SLC3A1: variants seen among roughly 807,000 people sequenced by gnomAD.
SLC3A1 encodes amino acid transporter heavy chain SLC3A1.
In SLC3A1, 78 loss-of-function variants were observed where a neutral mutation model predicts 60.3. The observed-to-expected ratio is 1.29, with a 90% CI of 1.08 to 1.56. The LOEUF (loss-of-function observed/expected upper bound fraction) is 1.56, where lower values mean the gene tolerates loss of function less well. Ranked by LOEUF, SLC3A1 falls within the 40% of genes most tolerant of loss-of-function variation. The pLI is 0.00. For synonymous variants in SLC3A1, 392 were observed against 307.9 expected, an observed-to-expected ratio of 1.27 and a Z score of -2.86; for missense variants, 1,172 against 858.9, an observed-to-expected ratio of 1.36 and a Z score of -4.56.
rs1671607822 is a variant in SLC3A1, at chr2:44,286,135, C to G, written c.869C>G (p.Pro290Arg). The change falls in exon 4 of 10, where the codon CCT becomes CGT. Residue 290 changes from proline to arginine, a missense_variant. Coordinates refer to ENST00000260649, the MANE Select transcript of SLC3A1 (RefSeq NM_000341.4). ...CAACCTGATTTAAATTTCCGCAATC[C>G]TGATGTTCAAGAAGAAATAAAAGTG... ...KEQPDLNFRNPDVQEEIKEIL... is the reference protein window; with the variant it reads ...KEQPDLNFRNRDVQEEIKEIL... 1.9e-6 allele frequency: 3 copies of G among 1,614,004 alleles called. No homozygotes were observed. The highest frequency in any genetic ancestry group is 2.5e-6 in the Non-Finnish European group (3 of 1,179,922).
At chr2:44,285,462 C>G (rs1671591429) in intron 3 of SLC3A1, 1 of 341,456 alleles carries the variant, frequency 2.9e-6, no homozygotes, top group Non-Finnish European at 5.8e-6. Flanking sequence ...ACCATGGGGC[C>G]ATAAATGTGA....
intron 3 of SLC3A1, among the ~76,000 whole-genome samples, chr2:44,282,178 G>A (rs1406730173): frequency 6.6e-6 from 1 of 151,892 alleles, no homozygotes; most frequent in Non-Finnish European, 1.5e-5. Context: ...GGCCCCCTTT[G>A]CCTTTCTGAC....
At chr2:44,283,866 GTCT>G (rs1671552465) in intron 3 of SLC3A1, among the ~76,000 whole-genome samples, 2 of 152,038 alleles carry the variant, frequency 1.3e-5, no homozygotes, top group African/African-American at 4.8e-5. Context: ...GCTAGGTATA[GTCT>G]TCTTAACTAA....
intron 7 of SLC3A1, among the ~76,000 whole-genome samples, chr2:44,311,181 G>A (rs546848406): frequency 1.3e-5 from 2 of 152,216 alleles, no homozygotes; most frequent in South Asian, 2.1e-4. Flanking sequence ...GTTCAAATTT[G>A]TCAAGTCCCT....
At position 44,320,824 on chromosome 2, in the gene SLC3A1, A is replaced by T; in HGVS notation, c.*185A>T. 1.6e-6 allele frequency: 1 copy of T among 624,178 alleles called. No individual in the cohort carries two copies. The allele number at this position is 624,178 out of a possible 1,614,324, so 38.7% of individuals were successfully genotyped here. A position where few individuals can be genotyped will look rare whatever the true frequency, so the allele number is the denominator to read the frequency against. On this transcript the variant is annotated 3_prime_UTR_variant, in exon 10 of 10. Coordinates refer to ENST00000260649, the MANE Select transcript of SLC3A1 (RefSeq NM_000341.4). ...AAAAAAATAAAATGTTTAAAAGTAA[A>T]TTATGGCTTATAGGAGCTTATAACT...
chr2:44,294,722 GA>G (rs1263677126), intron 4 of SLC3A1, among the ~76,000 whole-genome samples: 1 of 152,066 alleles, frequency 6.6e-6, no homozygotes, highest in Non-Finnish European at 1.5e-5. Flanking sequence ...CCTGCTTCTG[GA>G]GGAGTTAGCA....
At position 44,312,687 on chromosome 2, in the gene SLC3A1, T is replaced by G; in HGVS notation, c.1434T>G (p.Thr478=). The change falls in exon 8 of 10, where the codon ACT becomes ACG. Residue 478 remains threonine, a synonymous_variant. Transcript: ENST00000260649. ...LLFTLPGTPI[T]YYGEEIGMGN... is the part of the protein sequence containing the mutation. ...TCACACTCCCTGGAACTCCTATAAC[T>G]TACTATGGAGAAGAAATTGGAATGG... The G allele has an allele frequency of 6.2e-7, 1 of 1,613,330 alleles. No homozygotes were observed. Among genetic ancestry groups the G allele is most frequent in the Non-Finnish European group, 8.5e-7 (1 of 1,179,314 alleles).
intron 6 of SLC3A1, among the ~76,000 whole-genome samples, chr2:44,303,464 T>A (rs924697999): frequency 6.6e-6 from 1 of 151,894 alleles, no homozygotes; most frequent in Non-Finnish European, 1.5e-5. Flanking sequence ...CTCAAACTCC[T>A]GACCTCAAGT....
chr2:44,318,058 C>T, intron 9 of SLC3A1: 1 of 426,710 alleles, frequency 2.3e-6, no homozygotes, highest in South Asian at 1.7e-5. Flanking sequence ...GAAATATTTG[C>T]ACATGTGCAC....
intron 4 of SLC3A1, among the ~76,000 whole-genome samples, chr2:44,291,238 A>G (rs1472997958): frequency 6.6e-6 from 1 of 152,236 alleles, no homozygotes; most frequent in Non-Finnish European, 1.5e-5. Flanking sequence ...AAATGTGAGT[A>G]TAAACCAGCT....
chr2:44,303,734 CCCCA>C, intron 6 of SLC3A1: 1 of 334,666 alleles, frequency 3.0e-6, no homozygotes, highest in Non-Finnish European at 5.7e-6. Flanking sequence ...TCCCTTAGCC[CCCCA>C]CCCACTGACA....
intron 1 of SLC3A1, among the ~76,000 whole-genome samples, chr2:44,277,465 C>T (rs1319180470): frequency 6.6e-6 from 1 of 152,140 alleles, no homozygotes; most frequent in Non-Finnish European, 1.5e-5. Context: ...AAGAGTGTAT[C>T]TGTCCTTCAT....
At position 44,281,437 on chromosome 2, in the gene SLC3A1, A is replaced by G; in HGVS notation, c.661A>G (p.Ile221Val). The change falls in exon 3 of 10, where the codon ATT (isoleucine) becomes GTT (valine). Residue 221 changes from isoleucine to valine, a missense_variant. Coordinates refer to ENST00000260649, the MANE Select transcript of SLC3A1 (RefSeq NM_000341.4). Reference protein sequence around the residue: ...FIPNHTSDKHIWFQLSRTRTG... With the variant: ...FIPNHTSDKHVWFQLSRTRTG... Reference sequence around the variant, plus strand: ...ACCAAACCACACGAGTGATAAACATATTTGGTTTCAATTGAGTCGGACACG... The same window carrying G: ...ACCAAACCACACGAGTGATAAACATGTTTGGTTTCAATTGAGTCGGACACG... 6.2e-7 allele frequency: 1 copy of G among 1,613,340 alleles called. No individual in the cohort carries two copies. The highest frequency in any genetic ancestry group is 8.5e-7 in the Non-Finnish European group (1 of 1,179,266).
intron 7 of SLC3A1, among the ~76,000 whole-genome samples, 183 bp downstream of exon 7, chr2:44,304,521 C>G (rs1314149382): frequency 6.6e-6 from 1 of 152,146 alleles, no homozygotes. Context: ...AGGGAGACTG[C>G]CCACTGAATG....
intron 4 of SLC3A1, among the ~76,000 whole-genome samples, chr2:44,289,431 G>C (rs376238615): frequency 6.6e-6 from 1 of 151,518 alleles, no homozygotes; most frequent in Non-Finnish European, 1.5e-5. Context: ...GGCTGGTCTC[G>C]AACTCGTGGT....
chr2:44,306,078 T>A (rs926373900), intron 7 of SLC3A1, among the ~76,000 whole-genome samples: 9 of 152,200 alleles, frequency 5.9e-5, no homozygotes, highest in Non-Finnish European at 1.0e-4. Context: ...GTTTGTTTGT[T>A]ACTGGTGCTG....
chr2:44,289,481 G>A (rs1329450840), intron 4 of SLC3A1, among the ~76,000 whole-genome samples: 1 of 152,104 alleles, frequency 6.6e-6, no homozygotes, highest in Admixed American at 6.6e-5. Context: ...AAAGTGCTGG[G>A]ATTATAGGCA....
At chr2:44,322,019 A>C, downstream of SLC3A1, 1 of 1,036,322 alleles carries the variant, frequency 9.6e-7, no homozygotes, top group East Asian at 2.6e-5. Context: ...AAGGAATAAA[A>C]AGCAAAAACC....
chr2:44,300,490 AGACATAGAAATGAGACACT>A (rs1671975356), intron 5 of SLC3A1, among the ~76,000 whole-genome samples: 1 of 152,216 alleles, frequency 6.6e-6, no homozygotes, highest in African/African-American at 2.4e-5. Flanking sequence ...CATCCTAGAA[AGACATAGAAATGAGACACT>A]GACATAGAAA....
Sources: gnomAD v4.1 joint callset for allele counts (sites outside exome capture counted in the v4.1 genomes callset) on GRCh38, gnomAD v4.1.1 for gene constraint, MANE v1.5 for transcripts, NCBI Gene and HGNC (gene_info 2026-07-23, HGNC 2026-07-21) for gene names.